Variants in CENPF observed in about 807,000 individuals in gnomAD.
The protein encoded by CENPF is centromere protein F.
In CENPF, 214 loss-of-function variants were observed where a neutral mutation model predicts 307.3. That is an observed-to-expected ratio of 0.70 (90% CI 0.62 to 0.78). The LOEUF (loss-of-function observed/expected upper bound fraction) is 0.78, where lower values mean the gene tolerates loss of function less well. Among genes scored for constraint, CENPF ranks in the 30% least tolerant of loss-of-function variants. CENPF has a pLI of 0.00. For synonymous variants in CENPF, 1,259 were observed against 1,270.6 expected (o/e 0.99, Z 0.19); for missense variants, 3,401 against 3,483.9 (o/e 0.98, Z 0.60).
intron 6 of CENPF, 117 bp from the exon 7 acceptor site, chr1:214,621,962 T>C: frequency 1.3e-6 from 1 of 763,892 alleles, no homozygotes; most frequent in Non-Finnish European, 2.1e-6. Context: ...CTTCTGTATT[T>C]AGTGTAAATA....
chr1:214,660,813 T>C (rs1451184611), intron 19 of CENPF, among the ~76,000 whole-genome samples: 2 of 152,232 alleles, frequency 1.3e-5, no homozygotes, highest in Admixed American at 1.3e-4. Flanking sequence ...TGTTTAAATA[T>C]CTGTCTTCTG....
chr1:214,622,412 T>A, intron 7 of CENPF, 131 bp downstream of exon 7: 1 of 796,124 alleles, frequency 1.3e-6, no homozygotes, highest in Non-Finnish European at 2.0e-6. Context: ...GTACTCTTGA[T>A]GCAACTGAAC....
chr1:214,656,834 T>C (rs75009117), intron 17 of CENPF, 99 bp from the exon 18 acceptor site: 1 of 811,456 alleles, frequency 1.2e-6, no homozygotes, highest in Non-Finnish European at 1.9e-6. Flanking sequence ...AAAAAAAAAA[T>C]CAAAGAAAGA....
At chr1:214,649,651 T>C (rs1176066354) in intron 14 of CENPF, among the ~76,000 whole-genome samples, 1 of 152,238 alleles carries the variant, frequency 6.6e-6, no homozygotes, top group Non-Finnish European at 1.5e-5. Flanking sequence ...GGTTTTGGCA[T>C]CAAATCTCAG....
rs390110 is a variant in CENPF at position 214,655,090 on chromosome 1, C to G, written c.8323-151C>G. 271,312 of 484,242 alleles carry G rather than the reference C, an allele frequency of 0.56. 78,716 individuals are homozygous for G. The highest frequency in any genetic ancestry group is 0.88 in the East Asian group (24,688 of 28,108). 30.0% of individuals were successfully genotyped at this position (484,242 alleles called of 1,614,324 possible). A position where few individuals can be genotyped will look rare whatever the true frequency, so the allele number is the denominator to read the frequency against. On this transcript the variant is annotated intron_variant, in intron 16 of 19. Coordinates refer to ENST00000366955, the MANE Select transcript of CENPF (RefSeq NM_016343.4). ...GGGACTTAGGAAACTGAGTAGAGAACGTGAATGGTTTTGTGCATCTTTAGA... is the reference window on the plus strand; with the variant it reads ...GGGACTTAGGAAACTGAGTAGAGAAGGTGAATGGTTTTGTGCATCTTTAGA...
intron 7 of CENPF, among the ~76,000 whole-genome samples, chr1:214,624,911 T>G (rs1479455308): frequency 1.3e-5 from 2 of 152,214 alleles, no homozygotes; most frequent in African/African-American, 4.8e-5. Flanking sequence ...GTGATTTGTC[T>G]GTTTCTCCTT....
chr1:214,652,762 A>AC (rs1658522396), intron 15 of CENPF, 66 bp from the exon 16 acceptor site: 20 of 1,365,788 alleles, frequency 1.5e-5, no homozygotes, highest in Non-Finnish European at 2.0e-5. Flanking sequence ...TTTTCTGACT[A>AC]TTTTTTTTTA....
intron 7 of CENPF, among the ~76,000 whole-genome samples, chr1:214,624,677 T>C (rs1657604804): frequency 6.6e-6 from 1 of 152,214 alleles, no homozygotes; most frequent in Non-Finnish European, 1.5e-5. Flanking sequence ...TGTTGATCTT[T>C]ACTAATCTTT....
intron 13 of CENPF, among the ~76,000 whole-genome samples, 167 bp downstream of exon 13, chr1:214,647,567 A>T (rs1049977795): frequency 6.6e-6 from 1 of 152,222 alleles, no homozygotes. Context: ...AGAAACACTG[A>T]GTTGGCTCTG....
At chr1:214,633,256 G>T (rs1179566393) in intron 10 of CENPF, among the ~76,000 whole-genome samples, 1 of 152,172 alleles carries the variant, frequency 6.6e-6, no homozygotes, top group African/African-American at 2.4e-5. Context: ...TTCCTGAATG[G>T]CATGGATGCC....
At position 214,663,720 on chromosome 1, in the gene CENPF, A is replaced by C; in HGVS notation, c.9271A>C (p.Lys3091Gln). 1 of 1,614,116 alleles carries C rather than the reference A, an allele frequency of 6.2e-7. No homozygotes were observed. The highest frequency in any genetic ancestry group is 8.5e-7 in the Non-Finnish European group (1 of 1,180,034). ...TDSPREGLRV[K>Q]RGRLVPSPKA... ...CAGCCCCAGAGAGGGCCTGAGGGTC[A>C]AGCGAGGCCGACTTGTCCCCAGCCC... The change falls in exon 20 of 20, where the codon AAG (lysine) becomes CAG (glutamine). Residue 3091 changes from lysine (K) to glutamine (Q), a missense_variant. Transcript: ENST00000366955.
In CENPF at chr1:214,643,183, C is replaced by G. The variant is rs766429368; in HGVS notation, c.4845C>G (p.Ser1615Arg). The change falls in exon 12 of 20, where the codon AGC (serine) becomes AGG (arginine). Residue 1615 changes from serine (S) to arginine (R), a missense_variant. By Grantham distance (110) the Ser-to-Arg change is moderately radical. Coordinates refer to ENST00000366955, the MANE Select transcript of CENPF (RefSeq NM_016343.4). ...AACAGTGGCAACAGAAGCTGACAAG[C>G]GTGACTCTGGAGATGGAGTCCAAGT... ...ENEQWQQKLTSVTLEMESKLA... is the reference protein window; with the variant it reads ...ENEQWQQKLTRVTLEMESKLA... The G allele has an allele frequency of 6.2e-7, 1 of 1,604,242 alleles. No homozygotes were observed. Among genetic ancestry groups the G allele is most frequent in the African/African-American group, 1.4e-5 (1 of 74,022 alleles).
At chr1:214,661,087 C>T (rs1381030161) in intron 19 of CENPF, among the ~76,000 whole-genome samples, 1 of 152,112 alleles carries the variant, frequency 6.6e-6, no homozygotes. Flanking sequence ...GAGCTTTGCA[C>T]GCTAGGGGGC....
intron 10 of CENPF, among the ~76,000 whole-genome samples, chr1:214,635,812 G>C (rs956677868): frequency 6.6e-6 from 1 of 152,054 alleles, no homozygotes; most frequent in African/African-American, 2.4e-5. Context: ...TCCAGTTATG[G>C]ACAGACATGG....
chr1:214,610,479 ATTT>A (rs200567669), intron 1 of CENPF, among the ~76,000 whole-genome samples: 2 of 130,520 alleles, frequency 1.5e-5, no homozygotes, highest in Non-Finnish European at 1.7e-5. Flanking sequence ...AGCCACATGT[ATTT>A]TTTTTTTTTT....
chr1:214,645,832 A>C lies in CENPF; in HGVS notation c.6262A>C (p.Asn2088His). The change falls in exon 13 of 20, where the codon AAT (asparagine) becomes CAT (histidine). Residue 2088 changes from asparagine (N) to histidine (H), a missense_variant. Physicochemically the swap from Asn to His is moderately conservative, Grantham distance 68. Transcript: ENST00000366955. Reference sequence around the variant, plus strand: ...GAGTGAATCAGATTATGAAAAGCTGAATGTCTCCAAGGCCTTGGAGGCCGC... The same window carrying C: ...GAGTGAATCAGATTATGAAAAGCTGCATGTCTCCAAGGCCTTGGAGGCCGC... ...RLSESDYEKL[N>H]VSKALEAALV... is the part of the protein sequence containing the mutation. 1 of 1,614,200 alleles carries C rather than the reference A, an allele frequency of 6.2e-7. No individual in the cohort carries two copies. The highest frequency in any genetic ancestry group is 8.5e-7 in the Non-Finnish European group (1 of 1,180,032).
intron 4 of CENPF, 151 bp downstream of exon 4, chr1:214,618,845 C>T: frequency 1.3e-6 from 1 of 776,928 alleles, no homozygotes; most frequent in Non-Finnish European, 2.0e-6. Context: ...ATTTGCATAT[C>T]TGTTGAATTA....
At chr1:214,658,446 CTT>C (rs920346259) in intron 18 of CENPF, among the ~76,000 whole-genome samples, 1 of 146,674 alleles carries the variant, frequency 6.8e-6, no homozygotes, top group Non-Finnish European at 1.5e-5. Flanking sequence ...CTTTCCCTTT[CTT>C]TTTTTTTTTA....
Position 214,605,705 on chromosome 1 carries a change from A to G in CENPF, c.-42+2384A>G. ...CGAGCTGGCTGGCAGCTCCTGGGAG[A>G]TGAAGCGACGCAGGCCCTCCAGGTA... On this transcript the variant is annotated intron_variant, in intron 1 of 19. Coordinates refer to ENST00000366955, the MANE Select transcript of CENPF (RefSeq NM_016343.4). 6.9e-6 allele frequency: 11 copies of G among 1,592,168 alleles called. No individual in the cohort carries two copies. In the South Asian group the frequency reaches 1.2e-4, roughly 18 times the overall value.
Sources: gnomAD v4.1 joint callset for allele counts (sites outside exome capture counted in the v4.1 genomes callset) on GRCh38, gnomAD v4.1.1 for gene constraint, MANE v1.5 for transcripts, NCBI Gene and HGNC (gene_info 2026-07-23, HGNC 2026-07-21) for gene names.